The following FER1L5 variants were observed in gnomAD, a reference collection of about 807,000 sequenced individuals.
The protein encoded by FER1L5 is fer-1 like family member 5, also known as fer-1-like protein 5.
In FER1L5, 187 loss-of-function variants were observed where a neutral mutation model predicts 279.9. The observed-to-expected ratio is 0.67, with a 90% CI of 0.59 to 0.75. The LOEUF is 0.75. Ranked by LOEUF, FER1L5 falls within the 30% of genes least tolerant of loss-of-function variation. FER1L5 has a pLI of 0.00. For missense variants in FER1L5, 2,091 were observed against 2,594.4 expected, an observed-to-expected ratio of 0.81 and a Z score of 4.21; for synonymous variants, 921 against 989.7, an observed-to-expected ratio of 0.93 and a Z score of 1.30.
At position 96,691,629 on chromosome 2, in the gene FER1L5, TG is replaced by T; in HGVS notation, c.3075+20del. The T allele has an allele frequency of 6.6e-7, 1 of 1,511,506 alleles. No individual in the cohort carries two copies. Among genetic ancestry groups the T allele is most frequent in the Non-Finnish European group, 8.9e-7 (1 of 1,126,624 alleles). 93.6% of individuals were successfully genotyped at this position (1,511,506 alleles called of 1,614,324 possible). On this transcript the variant is annotated intron_variant, in intron 29 of 52. Transcript: ENST00000624922. This position sits in a 1 kb window ranked among gnomAD's most constrained non-coding sequence, Gnocchi z 6.0. ...GGGTCCTTGGTAAAGCCTCACAGGC[TG>T]GGTGATGCCTGCCTGTAACCCCACC...
chr2:96,684,530 T>A, intron 20 of FER1L5, 79 bp downstream of exon 20: 1 of 1,501,550 alleles, frequency 6.7e-7, no homozygotes, highest in Non-Finnish European at 8.9e-7. Context: ...TGCATCACAG[T>A]GGCAGGAAAC....
At position 96,685,752 on chromosome 2, in the gene FER1L5, C is replaced by T. The variant is rs948207403; in HGVS notation, c.1896-188C>T. Among the ~76,000 whole-genome samples, 5 of 152,172 alleles carry T rather than the reference C, an allele frequency of 3.3e-5. No homozygotes were observed. In the East Asian group the frequency reaches 9.6e-4, roughly 29 times the overall value. On this transcript the variant is annotated intron_variant, in intron 21 of 52. Coordinates refer to ENST00000624922, the MANE Select transcript of FER1L5 (RefSeq NM_001293083.2). ...AGGAAGGGAGAGGACTGGATGAGAA[C>T]CCAGGGCTGGACACACAGCGAGCAG...
rs185304631 is a variant in FER1L5 at position 96,667,877 on chromosome 2, T to C, written c.1141-874T>C. ...CAATTAGGGGACTTTTTTTTCTTTT[T>C]TGAAACAAGGTCTCACTCTGTCACC... On this transcript the variant is annotated intron_variant, in intron 14 of 52. Coordinates refer to ENST00000624922, the MANE Select transcript of FER1L5 (RefSeq NM_001293083.2). 3.3e-4 allele frequency among the ~76,000 whole-genome samples: 51 copies of C among 152,242 alleles called. No individual in the cohort carries two copies. The Middle Eastern group carries it at 0.02, about 61-fold the overall frequency.
At chr2:96,692,208 G>A in intron 31 of FER1L5, 27 bp downstream of exon 31, 1 of 1,551,040 alleles carries the variant, frequency 6.4e-7, no homozygotes, top group Non-Finnish European at 8.7e-7. Context: ...CTTGTCCCCA[G>A]CTGAGGACAA....
At chr2:96,659,352 T>TTTCC (rs1470282296) in intron 9 of FER1L5, among the ~76,000 whole-genome samples, 5 of 73,208 alleles carry the variant, frequency 6.8e-5, no homozygotes, top group African/African-American at 2.6e-4. Context: ...CTTCCTTCCT[T>TTTCC]CCTTCCTTCC....
At chr2:96,643,345 A>T (rs1457835197) in intron 1 of FER1L5, among the ~76,000 whole-genome samples, 2 of 151,968 alleles carry the variant, frequency 1.3e-5, no homozygotes, top group Non-Finnish European at 2.9e-5. Flanking sequence ...CATTATTATT[A>T]TTTTTTATTT....
In FER1L5 at chr2:96,654,496, A is replaced by G. The variant is rs927552317; in HGVS notation, c.747A>G (p.Gln249=). 7.5e-6 allele frequency: 3 copies of G among 399,068 alleles called. No homozygotes were observed. Among genetic ancestry groups the G allele is most frequent in the Non-Finnish European group, 1.3e-5 (3 of 226,052 alleles). The allele number at this position is 399,068 out of a possible 1,614,324, so 24.7% of individuals were successfully genotyped here. A position where few individuals can be genotyped will look rare whatever the true frequency, so the allele number is the denominator to read the frequency against. ...MRYKAEIGRF[Q]TDIGFIYHSP... is the part of the protein sequence containing the mutation. ...ACAAAGCAGAGATCGGGAGATTTCA[A>G]GTGAGTACTGTACATGGGAGGAGGT... Residue 249 remains glutamine (Q), a splice_region_variant and synonymous_variant, in exon 9 of 53, where the codon CAA becomes CAG. Transcript: ENST00000624922.
At position 96,694,139 on chromosome 2, in the gene FER1L5, C is replaced by CAGCG; in HGVS notation, c.3636+68_3636+71dup. ...TGCCCCTCCCCGTCCCACCCCCAGC[C>CAGCG]AGCGGGGGCCAACTCCACCCTGTCA... On this transcript the variant is annotated intron_variant, in intron 33 of 52. Coordinates refer to ENST00000624922, the MANE Select transcript of FER1L5 (RefSeq NM_001293083.2). This position sits in a 1 kb window ranked among gnomAD's most constrained non-coding sequence, Gnocchi z 4.6. 1 of 1,478,684 alleles carries CAGCG rather than the reference C, an allele frequency of 6.8e-7. No individual in the cohort carries two copies. The highest frequency in any genetic ancestry group is 9.0e-7 in the Non-Finnish European group (1 of 1,115,254). The allele number at this position is 1,478,684 out of a possible 1,614,324, so 91.6% of individuals were successfully genotyped here. A position where few individuals can be genotyped will look rare whatever the true frequency, so the allele number is the denominator to read the frequency against.
chr2:96,644,351 G>C (rs1012668836), intron 1 of FER1L5, among the ~76,000 whole-genome samples: 2 of 151,952 alleles, frequency 1.3e-5, no homozygotes, highest in African/African-American at 2.4e-5. Flanking sequence ...AGGCACCATG[G>C]TGGGTATTTG....
chr2:96,702,871 AC>A lies in FER1L5; in HGVS notation c.5398-104del. The A allele has an allele frequency of 6.5e-7, 1 of 1,529,296 alleles. No individual in the cohort carries two copies. Among genetic ancestry groups the A allele is most frequent in the South Asian group, 1.2e-5 (1 of 82,858 alleles). 94.7% of individuals were successfully genotyped at this position (1,529,296 alleles called of 1,614,324 possible). ...ATCAGAAACATGTCCTCAGGTGGAA[AC>A]CCTCTTCCTTGATAGTCTATCACTG... On this transcript the variant is annotated intron_variant, in intron 48 of 52. Transcript: ENST00000624922. This position sits in a 1 kb window ranked among gnomAD's most constrained non-coding sequence, Gnocchi z 4.0.
At position 96,668,740 on chromosome 2, in the gene FER1L5, T is replaced by C. The variant is rs887044030; in HGVS notation, c.1141-11T>C. 6.4e-7 allele frequency: 1 copy of C among 1,551,322 alleles called. No individual in the cohort carries two copies. Among genetic ancestry groups the C allele is most frequent in the East Asian group, 2.4e-5 (1 of 40,918 alleles). On this transcript the variant is annotated splice_polypyrimidine_tract_variant and intron_variant, in intron 14 of 52. Transcript: ENST00000624922. Reference sequence around the variant, plus strand: ...TGTGTACCCACCGCACCTCTCTCCTTCCCTCCACAGCTACCCTGCCTCTCC... The same window carrying C: ...TGTGTACCCACCGCACCTCTCTCCTCCCCTCCACAGCTACCCTGCCTCTCC...
Position 96,703,086 on chromosome 2 carries a change from C to G in FER1L5, c.5497+9C>G, listed in dbSNP as rs573259803. 93 of 1,613,750 alleles carry G rather than the reference C, an allele frequency of 5.8e-5. No individual in the cohort carries two copies. In the East Asian group the frequency reaches 2.0e-3, roughly 35 times the overall value. The stretch of plus-strand genomic sequence containing the variant: ...CCCCGACGACTTCCTAGGTGAGGTC[C>G]TGACACAGGGCTTGTGACCACAGGA... On this transcript the variant is annotated intron_variant, in intron 49 of 52. Transcript: ENST00000624922.
At chr2:96,664,190 GGGAA>G (rs550450589) in intron 14 of FER1L5, among the ~76,000 whole-genome samples, 15 of 151,410 alleles carry the variant, frequency 9.9e-5, no homozygotes, top group Admixed American at 4.6e-4. Flanking sequence ...TGGAAGGGGA[GGGAA>G]GGAAGGAAGG....
Position 96,703,362 on chromosome 2 carries a change from T to C in FER1L5, c.5691+16T>C. 1 of 1,603,468 alleles carries C rather than the reference T, an allele frequency of 6.2e-7. No homozygotes were observed. The highest frequency in any genetic ancestry group is 1.1e-5 in the South Asian group (1 of 88,950). On this transcript the variant is annotated intron_variant, in intron 50 of 52. Transcript: ENST00000624922. Reference sequence around the variant, plus strand: ...GCGCTTGTCGGTAGGAGCTGGGGAGTGTCTACTGATTAGGGCTGCTATGCC... The same window carrying C: ...GCGCTTGTCGGTAGGAGCTGGGGAGCGTCTACTGATTAGGGCTGCTATGCC...
intron 6 of FER1L5, among the ~76,000 whole-genome samples, chr2:96,651,324 C>G (rs11885067): frequency 7.3e-6 from 1 of 136,454 alleles, no homozygotes; most frequent in Non-Finnish European, 1.6e-5. Flanking sequence ...CCTTCTTTCT[C>G]TCTTTCTTTC....
At chr2:96,677,585 C>G (rs964311125) in intron 19 of FER1L5, among the ~76,000 whole-genome samples, 1 of 151,946 alleles carries the variant, frequency 6.6e-6, no homozygotes, top group Non-Finnish European at 1.5e-5. Flanking sequence ...AATAAAGCTG[C>G]CCGGGCACGG....
In FER1L5 at chr2:96,644,235, T is replaced by G. The variant is rs552933238; in HGVS notation, c.85+1314T>G. ...GGCTCACACCTGTAATCCCAGCGCT[T>G]TGGGAGGCCGAGGTGGGCGGATCAC... On this transcript the variant is annotated intron_variant, in intron 1 of 52. Transcript: ENST00000624922. Among the ~76,000 whole-genome samples the G allele has an allele frequency of 2.8e-3, 422 of 150,778 alleles. 3 individuals carry two copies. The highest frequency in any genetic ancestry group is 0.01 in the African/African-American group (412 of 40,982).
chr2:96,680,132 C>T (rs914419097), intron 19 of FER1L5, among the ~76,000 whole-genome samples: 41 of 152,012 alleles, frequency 2.7e-4, no homozygotes, highest in Admixed American at 5.9e-4. Flanking sequence ...GCAGTCCTTA[C>T]GTGTATTTTG....
chr2:96,660,472 G>C (rs2075914017), intron 10 of FER1L5, 101 bp downstream of exon 10: 2 of 1,006,136 alleles, frequency 2.0e-6, no homozygotes, highest in Non-Finnish European at 1.5e-6. Flanking sequence ...TGGGTGGAGG[G>C]GAGTATTAGA....
Sources: allele counts gnomAD v4.1 joint callset (sites outside exome capture counted in the v4.1 genomes callset), GRCh38; gene constraint gnomAD v4.1.1; non-coding constraint Gnocchi (gnomAD v3.1); transcripts MANE v1.5; gene names NCBI Gene and HGNC (gene_info 2026-07-23, HGNC 2026-07-21).